The following SH3RF2 variants were observed in gnomAD, a reference collection of about 807,000 sequenced individuals.
The protein encoded by SH3RF2 is E3 ubiquitin-protein ligase SH3RF2.
Under a neutral mutation model 59.0 loss-of-function variants are expected in SH3RF2, and 43 were observed. The ratio of observed to expected loss-of-function variants is 0.73; its 90% CI spans 0.57 to 0.94. The LOEUF is 0.94. Ranked by LOEUF, SH3RF2 falls within the 40% of genes least tolerant of loss-of-function variation. SH3RF2 has a pLI of 0.00. For synonymous variants in SH3RF2, 391 were observed against 391.5 expected (o/e 1.00, Z 0.01); for missense variants, 930 against 940.1 (o/e 0.99, Z 0.14).
At chr5:145,944,401 C>T (rs1757937577) in intron 2 of SH3RF2, among the ~76,000 whole-genome samples, 2 of 149,850 alleles carry the variant, frequency 1.3e-5, no homozygotes, top group South Asian at 4.2e-4. Flanking sequence ...CAGTGCAGTG[C>T]AGTGCAGTGG....
At chr5:146,030,704 A>G (rs756667327) in intron 5 of SH3RF2, among the ~76,000 whole-genome samples, 1 of 148,864 alleles carries the variant, frequency 6.7e-6, no homozygotes, top group Non-Finnish European at 1.5e-5. Flanking sequence ...GCCTGTTTTC[A>G]TATGGCCAGA....
intron 2 of SH3RF2, among the ~76,000 whole-genome samples, chr5:145,967,113 G>A (rs981838312): frequency 6.6e-6 from 1 of 152,190 alleles, no homozygotes; most frequent in African/African-American, 2.4e-5. Flanking sequence ...TTATAATTTA[G>A]GTGAAAATCA....
At chr5:145,985,253 C>A (rs896917354) in intron 2 of SH3RF2, among the ~76,000 whole-genome samples, 6 of 152,322 alleles carry the variant, frequency 3.9e-5, no homozygotes, top group African/African-American at 1.2e-4. Flanking sequence ...TCATGCTAGG[C>A]TTTTTCTTTT....
At chr5:145,986,739 T>C (rs2149973503) in intron 2 of SH3RF2, among the ~76,000 whole-genome samples, 1 of 152,282 alleles carries the variant, frequency 6.6e-6, no homozygotes, top group East Asian at 1.9e-4. Context: ...AGACATATCT[T>C]GGATTACCTC....
chr5:146,032,288 C>T (rs1385409706), intron 5 of SH3RF2, among the ~76,000 whole-genome samples: 1 of 152,166 alleles, frequency 6.6e-6, no homozygotes, highest in African/African-American at 2.4e-5. Flanking sequence ...GCTACCAAGA[C>T]ATGGTACCCT....
At chr5:146,002,978 T>C (rs774997601) in intron 3 of SH3RF2, among the ~76,000 whole-genome samples, 2 of 152,192 alleles carry the variant, frequency 1.3e-5, no homozygotes, top group Non-Finnish European at 2.9e-5. Context: ...TGGGTACCGC[T>C]GTGTAAGAGG....
chr5:145,997,377 G>A, intron 2 of SH3RF2: 3 of 1,207,914 alleles, frequency 2.5e-6, no homozygotes, highest in Non-Finnish European at 3.7e-6. Flanking sequence ...AGAGCAGCCT[G>A]GTCATTTATA....
At chr5:145,977,791 C>T (rs913932459) in intron 2 of SH3RF2, among the ~76,000 whole-genome samples, 2 of 152,200 alleles carry the variant, frequency 1.3e-5, no homozygotes, top group East Asian at 3.9e-4. Context: ...TACACATATA[C>T]CTCAAGAACA....
At chr5:145,991,328 G>A (rs1759924685) in intron 2 of SH3RF2, among the ~76,000 whole-genome samples, 1 of 152,182 alleles carries the variant, frequency 6.6e-6, no homozygotes, top group Non-Finnish European at 1.5e-5. Flanking sequence ...GAGAGCATAT[G>A]AATGAGATAA....
intron 5 of SH3RF2, among the ~76,000 whole-genome samples, chr5:146,042,814 G>C (rs1317243688): frequency 1.3e-5 from 2 of 152,136 alleles, no homozygotes; most frequent in Non-Finnish European, 2.9e-5. Context: ...CCTTCAAAAG[G>C]GAGGGAAAAA....
At chr5:146,059,776 T>C in intron 8 of SH3RF2, 90 bp from the exon 9 acceptor site, 1 of 888,988 alleles carries the variant, frequency 1.1e-6, no homozygotes, top group Non-Finnish European at 1.6e-6. Context: ...TTGTCTATTC[T>C]GGGATATCAG....
At chr5:145,965,071 T>C (rs1409873094) in intron 2 of SH3RF2, among the ~76,000 whole-genome samples, 1 of 151,964 alleles carries the variant, frequency 6.6e-6, no homozygotes, top group Non-Finnish European at 1.5e-5. Flanking sequence ...CATGCACCTG[T>C]AATCCCAGCT....
At chr5:146,033,380 A>G (rs1316599975) in intron 5 of SH3RF2, among the ~76,000 whole-genome samples, 2 of 143,540 alleles carry the variant, frequency 1.4e-5, no homozygotes, top group Admixed American at 1.4e-4. Flanking sequence ...GAGACCAGAT[A>G]TTCCCAAATC....
At chr5:145,979,704 G>A (rs2149968138) in intron 2 of SH3RF2, among the ~76,000 whole-genome samples, 1 of 152,312 alleles carries the variant, frequency 6.6e-6, no homozygotes, top group East Asian at 1.9e-4. Flanking sequence ...TTGTCTCTAA[G>A]ACTCAATTTC....
chr5:146,063,728 C>T (rs1469525707), downstream of SH3RF2, among the ~76,000 whole-genome samples: 2 of 152,064 alleles, frequency 1.3e-5, no homozygotes, highest in African/African-American at 4.8e-5. Context: ...GGCATGATGG[C>T]GCACACCTGT....
chr5:146,066,755 A>G (rs1656079563), downstream of SH3RF2, among the ~76,000 whole-genome samples: 1 of 152,210 alleles, frequency 6.6e-6, no homozygotes, highest in South Asian at 2.1e-4. Context: ...AGAGGAATTT[A>G]TTCCTTTGTG....
intron 2 of SH3RF2, among the ~76,000 whole-genome samples, chr5:145,991,913 A>G (rs1362928087): frequency 6.6e-6 from 1 of 152,210 alleles, no homozygotes; most frequent in Non-Finnish European, 1.5e-5. Context: ...AATAAGATAT[A>G]GCTTAGACCT....
intron 2 of SH3RF2, among the ~76,000 whole-genome samples, chr5:145,995,413 G>A (rs747449462): frequency 3.9e-5 from 6 of 152,232 alleles, no homozygotes; most frequent in African/African-American, 1.2e-4. Flanking sequence ...ACCCAACCCC[G>A]GGGGTCTAAC....
intron 1 of SH3RF2, 150 bp from the exon 2 acceptor site, chr5:145,937,673 C>G: frequency 2.0e-6 from 1 of 510,594 alleles, no homozygotes; most frequent in Non-Finnish European, 3.5e-6. Context: ...CTTATACCTG[C>G]TAGCATTGAA....
Sources: allele counts gnomAD v4.1 joint callset (sites outside exome capture counted in the v4.1 genomes callset), GRCh38; gene constraint gnomAD v4.1.1; transcripts MANE v1.5; gene names NCBI Gene and HGNC (gene_info 2026-07-23, HGNC 2026-07-21).